RASSF8: variants seen among roughly 807,000 people sequenced by gnomAD.
The protein encoded by RASSF8 is ras association domain-containing protein 8.
RASSF8 carries 22 observed loss-of-function variants against 48.5 expected under a neutral mutation model. That is an observed-to-expected ratio of 0.45 (90% CI 0.32 to 0.65). RASSF8 has a LOEUF of 0.65. RASSF8 is among the 30% of genes least tolerant of loss of function. The pLI, the probability that RASSF8 is intolerant of heterozygous loss-of-function variation, is 0.03. For missense variants in RASSF8, 418 were observed against 489.2 expected (o/e 0.85, Z 1.37); for synonymous variants, 127 against 171.5 (o/e 0.74, Z 2.03).
chr12:26,035,140 G>A (rs1366901779), intron 2 of RASSF8, among the ~76,000 whole-genome samples: 1 of 151,854 alleles, frequency 6.6e-6, no homozygotes, highest in Non-Finnish European at 1.5e-5. Context: ...CTGTACTAAG[G>A]CACTGACCCC....
chr12:26,059,562 A>G (rs569617721), intron 3 of RASSF8, among the ~76,000 whole-genome samples: 1 of 151,756 alleles, frequency 6.6e-6, no homozygotes, highest in African/African-American at 2.4e-5. Flanking sequence ...AAAAAATTAT[A>G]CTCTTCATAT....
At chr12:25,971,901 A>G (rs7977148) in intron 1 of RASSF8, among the ~76,000 whole-genome samples, 72,783 of 152,006 alleles carry the variant, frequency 0.48, 18,054 homozygotes, top group Non-Finnish European at 0.55. Context: ...AGAAGTCCAG[A>G]TTGGTTTAGT....
chr12:26,031,412 T>C (rs891580431), intron 2 of RASSF8, among the ~76,000 whole-genome samples: 1 of 152,170 alleles, frequency 6.6e-6, no homozygotes, highest in Admixed American at 6.5e-5. Context: ...CTCATCATGA[T>C]GGTGTGAAAT....
intron 3 of RASSF8, among the ~76,000 whole-genome samples, chr12:26,056,314 T>A (rs1943601384): frequency 1.3e-5 from 2 of 152,262 alleles, no homozygotes; most frequent in Non-Finnish European, 2.9e-5. Context: ...ATAGTTTATG[T>A]ATATTTAGTT....
At chr12:26,059,590 G>A (rs1279562458) in intron 3 of RASSF8, among the ~76,000 whole-genome samples, 2 of 152,000 alleles carry the variant, frequency 1.3e-5, no homozygotes, top group East Asian at 1.9e-4. Context: ...GTAGTTTTGA[G>A]TCTCATTGTC....
chr12:26,039,150 AG>A (rs1943211995), intron 2 of RASSF8, among the ~76,000 whole-genome samples: 1 of 152,232 alleles, frequency 6.6e-6, no homozygotes, highest in Admixed American at 6.5e-5. Flanking sequence ...CATACTGCTC[AG>A]GTCAGGTTCA....
chr12:25,963,569 T>C lies in RASSF8; in HGVS notation c.-203+4421T>C, dbSNP rs371726100. On this transcript the variant is annotated intron_variant, in intron 1 of 5. Transcript: ENST00000689635. ...ATCATTTCCTCACACCCTTAGAGTG[T>C]AGTTCTAGTTCTTTCTAGTTTTGTA... Among the ~76,000 whole-genome samples the C allele has an allele frequency of 2.1e-4, 32 of 152,322 alleles. 1 individual carries two copies. The East Asian group carries it at 5.8e-3, about 28-fold the overall frequency.
At chr12:25,989,290 T>G (rs1018608702) in intron 1 of RASSF8, among the ~76,000 whole-genome samples, 2 of 152,220 alleles carry the variant, frequency 1.3e-5, no homozygotes, top group Admixed American at 6.5e-5. Flanking sequence ...GATTTCACAT[T>G]TTCTGATGTG....
chr12:26,072,071 T>C lies in RASSF8; in HGVS notation c.*3253T>C. Reference sequence around the variant, plus strand: ...AGACAAAAACTTTTGATTTCAGGCATGCAAAGTGCTTGGGCAGATGGACAG... The same window carrying C: ...AGACAAAAACTTTTGATTTCAGGCACGCAAAGTGCTTGGGCAGATGGACAG... On this transcript the variant is annotated 3_prime_UTR_variant, in exon 6 of 6. Transcript: ENST00000689635. 1.0e-6 allele frequency: 1 copy of C among 985,408 alleles called. No individual in the cohort carries two copies. Among genetic ancestry groups the C allele is most frequent in the Middle Eastern group, 5.2e-4 (1 of 1,914 alleles). The allele number at this position is 985,408 out of a possible 1,614,324, so 61.0% of individuals were successfully genotyped here. A position where few individuals can be genotyped will look rare whatever the true frequency, so the allele number is the denominator to read the frequency against.
At chr12:26,073,961 G>T (rs2175716), downstream of RASSF8, among the ~76,000 whole-genome samples, 139,478 of 151,156 alleles carry the variant, frequency 0.92, 64,403 homozygotes, top group South Asian at 0.95. Context: ...TATATATATA[G>T]AGAGAGAGAG....
In RASSF8 at chr12:25,988,305, T is replaced by C. The variant is rs577446307; in HGVS notation, c.-202-6732T>C. On this transcript the variant is annotated intron_variant, in intron 1 of 5. Transcript: ENST00000689635. Reference sequence around the variant, plus strand: ...TATAAAACATCCATGCAGACAGCCTTCAACTCAAAACTGTCAGGTCTTTAA... The same window carrying C: ...TATAAAACATCCATGCAGACAGCCTCCAACTCAAAACTGTCAGGTCTTTAA... Among the ~76,000 whole-genome samples, 12 of 152,314 alleles carry C rather than the reference T, an allele frequency of 7.9e-5. No homozygotes were observed. In the South Asian group the frequency reaches 1.2e-3, roughly 16 times the overall value.
At chr12:26,018,581 G>A in intron 2 of RASSF8, among the ~76,000 whole-genome samples, 1 of 152,098 alleles carries the variant, frequency 6.6e-6, no homozygotes, top group East Asian at 1.9e-4. Flanking sequence ...TTACAACTTG[G>A]AATCACTGAC....
At chr12:25,977,121 C>T (rs569056267) in intron 1 of RASSF8, among the ~76,000 whole-genome samples, 1 of 152,256 alleles carries the variant, frequency 6.6e-6, no homozygotes, top group African/African-American at 2.4e-5. Flanking sequence ...AAAGCCTAAG[C>T]GAATAGCTGC....
rs1944013923 is a variant in RASSF8, at chr12:26,072,211, G to A, written c.*3393G>A. ...ATTGGTTTATATTGTGTTAAAATTA[G>A]CTTATAATTATTACTTTTGTATTGT... On this transcript the variant is annotated 3_prime_UTR_variant, in exon 6 of 6. Transcript: ENST00000689635. 1 of 969,428 alleles carries A rather than the reference G, an allele frequency of 1.0e-6. No individual in the cohort carries two copies. Among genetic ancestry groups the A allele is most frequent in the African/African-American group, 1.8e-5 (1 of 56,836 alleles). 60.1% of individuals were successfully genotyped at this position (969,428 alleles called of 1,614,324 possible). A position where few individuals can be genotyped will look rare whatever the true frequency, so the allele number is the denominator to read the frequency against.
intron 1 of RASSF8, among the ~76,000 whole-genome samples, chr12:25,975,471 G>A (rs144317037): frequency 1.8e-4 from 27 of 152,326 alleles, no homozygotes; most frequent in African/African-American, 6.5e-4. Context: ...ATTAGAGAAT[G>A]TTGGGATTGC....
intron 1 of RASSF8, among the ~76,000 whole-genome samples, chr12:25,972,435 G>A (rs1941505277): frequency 6.6e-6 from 1 of 151,862 alleles, no homozygotes; most frequent in Admixed American, 6.6e-5. Flanking sequence ...AAAGAGTAAG[G>A]GCATTTACTC....
At chr12:26,053,281 T>G (rs1372693449) in intron 2 of RASSF8, among the ~76,000 whole-genome samples, 1 of 152,150 alleles carries the variant, frequency 6.6e-6, no homozygotes, top group Non-Finnish European at 1.5e-5. Context: ...TTGCTTGATT[T>G]CCCAAGTTTA....
chr12:26,008,384 G>A (rs528463860), intron 2 of RASSF8, among the ~76,000 whole-genome samples: 1 of 152,230 alleles, frequency 6.6e-6, no homozygotes, highest in South Asian at 2.1e-4. Context: ...GTTCTCCTGT[G>A]AGCTGCTATA....
intron 2 of RASSF8, among the ~76,000 whole-genome samples, chr12:26,048,713 C>T (rs1385509581): frequency 1.3e-5 from 2 of 151,958 alleles, no homozygotes; most frequent in Admixed American, 6.6e-5. Context: ...CTTCCTCTCT[C>T]ACCTTTTTGT....
Sources: gnomAD v4.1 joint callset for allele counts (sites outside exome capture counted in the v4.1 genomes callset) on GRCh38, gnomAD v4.1.1 for gene constraint, MANE v1.5 for transcripts, NCBI Gene and HGNC (gene_info 2026-07-23, HGNC 2026-07-21) for gene names.